EXOSC10: variants seen among roughly 807,000 people sequenced by gnomAD.
EXOSC10 encodes the protein exosome complex component 10.
A neutral mutation model predicts 126.6 loss-of-function variants in EXOSC10; 94 were observed. That is an observed-to-expected ratio of 0.74 (90% CI 0.63 to 0.88). EXOSC10 has a LOEUF of 0.88. EXOSC10 is among the 40% of genes least tolerant of loss of function. The pLI, the probability that EXOSC10 is intolerant of heterozygous loss-of-function variation, is 0.00. For missense variants in EXOSC10, 1,041 were observed against 1,100.5 expected (o/e 0.95, Z 0.77); for synonymous variants, 395 against 400.8 (o/e 0.99, Z 0.17).
chr1:11,069,259 G>GAGAGAGAGAGA (rs1553164212), intron 22 of EXOSC10, among the ~76,000 whole-genome samples: 6 of 132,378 alleles, frequency 4.5e-5, no homozygotes, highest in South Asian at 2.6e-4. Flanking sequence ...GAGAGAGAGA[G>GAGAGAGAGAGA]GGTTTATGGG....
intron 9 of EXOSC10, among the ~76,000 whole-genome samples, chr1:11,083,940 C>G (rs983657621): frequency 6.6e-6 from 1 of 152,146 alleles, no homozygotes; most frequent in Non-Finnish European, 1.5e-5. Flanking sequence ...ATCCATGTCC[C>G]TACAAAGGAC....
At chr1:11,095,245 C>T (rs923690883) in intron 3 of EXOSC10, among the ~76,000 whole-genome samples, 2 of 148,032 alleles carry the variant, frequency 1.4e-5, no homozygotes, top group African/African-American at 5.0e-5. Flanking sequence ...TTCCATGGGG[C>T]AGTAATATTT....
intron 20 of EXOSC10, chr1:11,071,430 C>G (rs911018814): frequency 5.6e-6 from 1 of 178,062 alleles, no homozygotes; most frequent in African/African-American, 2.4e-5. Context: ...TGCTATGGGA[C>G]AGATCAAGGC....
chr1:11,088,051 A>G, intron 7 of EXOSC10, 72 bp downstream of exon 7: 1 of 1,357,280 alleles, frequency 7.4e-7, no homozygotes. Context: ...TCAAAATTGC[A>G]TCAATGAATC....
intron 21 of EXOSC10, among the ~76,000 whole-genome samples, chr1:11,069,951 G>A (rs1022724186): frequency 3.9e-5 from 6 of 152,138 alleles, no homozygotes; most frequent in African/African-American, 1.4e-4. Flanking sequence ...AGAAAGGCAA[G>A]CAGGCCAGGT....
chr1:11,069,520 GCA>G (rs1557691223), intron 22 of EXOSC10, 37 bp downstream of exon 22: 35 of 1,597,888 alleles, frequency 2.2e-5, no homozygotes, highest in Non-Finnish European at 3.0e-5. Context: ...CCTCTGACGC[GCA>G]CAGATGTCCC....
In EXOSC10 at chr1:11,090,793, C is replaced by T; in HGVS notation, c.644-125G>A. 3.6e-6 allele frequency: 3 copies of T among 838,978 alleles called. No homozygotes were observed. In the South Asian group the frequency reaches 5.3e-5, roughly 15 times the overall value. The allele number at this position is 838,978 out of a possible 1,614,324, so 52.0% of individuals were successfully genotyped here. ...TTGAGACAGGGTCATGTTCTGTCCC[C>T]CAGGCTGAAGTGTGGTGGCACAAGC... On this transcript the variant is annotated intron_variant, in intron 5 of 24. Coordinates refer to ENST00000376936, the MANE Select transcript of EXOSC10 (RefSeq NM_001001998.3).
At position 11,076,888 on chromosome 1, in the gene EXOSC10, A is replaced by G. The variant is rs145033383; in HGVS notation, c.1940T>C (p.Leu647Pro). 7.4e-6 allele frequency: 12 copies of G among 1,613,886 alleles called. No individual in the cohort carries two copies. The African/African-American group carries it at 1.6e-4, about 22-fold the overall frequency. Residue 647 changes from leucine (L) to proline (P), a missense_variant, in exon 17 of 25, where the codon CTG becomes CCG. Transcript: ENST00000376936. ...TGTGGCAATCAGGCATGTGGTACCC[A>G]GCAAGTTATCTTCTTTTTCATCAGG... ...LFPDEKEDNL[L>P]GTTCLIATAV...
chr1:11,069,244 T>TGTGTGAGAGAGAGAGAGAGAGA, intron 22 of EXOSC10, among the ~76,000 whole-genome samples: 1 of 116,826 alleles, frequency 8.6e-6, no homozygotes, highest in Non-Finnish European at 2.0e-5. Context: ...TGTGTGTGTG[T>TGTGTGAGAGAGAGAGAGAGAGA]GAGAGAGAGA....
Position 11,095,948 on chromosome 1 carries a change from G to T in EXOSC10, c.249-67C>A, listed in dbSNP as rs1435356225. 2.6e-6 allele frequency: 4 copies of T among 1,539,960 alleles called. No homozygotes were observed. In the African/African-American group the frequency reaches 4.1e-5, roughly 16 times the overall value. ...TCACTTGTTTACATTCTGTGAGAGAGAATGTTCAAATGATGTGGCTCAGAC... is the reference window on the plus strand; with the variant it reads ...TCACTTGTTTACATTCTGTGAGAGATAATGTTCAAATGATGTGGCTCAGAC... On this transcript the variant is annotated intron_variant, in intron 2 of 24. Coordinates refer to ENST00000376936, the MANE Select transcript of EXOSC10 (RefSeq NM_001001998.3).
intron 14 of EXOSC10, among the ~76,000 whole-genome samples, chr1:11,078,049 G>GA (rs1639921481): frequency 6.6e-6 from 1 of 152,014 alleles, no homozygotes; most frequent in Non-Finnish European, 1.5e-5. Flanking sequence ...GAGGTGGGAG[G>GA]ACTGCTTGAG....
chr1:11,087,004 C>T (rs1251022418), intron 9 of EXOSC10, among the ~76,000 whole-genome samples: 8 of 152,148 alleles, frequency 5.3e-5, no homozygotes, highest in Admixed American at 5.2e-4. Context: ...ACACAAAAAA[C>T]CCTTCAAAAA....
chr1:11,077,369 G>A lies in EXOSC10; in HGVS notation c.1875C>T (p.Thr625=), dbSNP rs371930082. ...CAGGAGGGCTCTCGACTTTACCACTGGTTGGGATGATTGGATAGCCATCCG... is the reference window on the plus strand; with the variant it reads ...CAGGAGGGCTCTCGACTTTACCACTAGTTGGGATGATTGGATAGCCATCCG... The part of the protein sequence containing the change: ...APPDGYPIIP[T]SGSVPVQKQA... Residue 625 remains threonine (T), a synonymous_variant, in exon 16 of 25, where the codon ACC becomes ACT. Transcript: ENST00000376936. The A allele has an allele frequency of 1.2e-6, 2 of 1,610,550 alleles. No individual in the cohort carries two copies. Among genetic ancestry groups the A allele is most frequent in the African/African-American group, 1.3e-5 (1 of 75,016 alleles).
Position 11,072,383 on chromosome 1 carries a change from G to A in EXOSC10, c.2158-212C>T, listed in dbSNP as rs2100953777. 3 of 490,506 alleles carry A rather than the reference G, an allele frequency of 6.1e-6. No homozygotes were observed. The East Asian group carries it at 1.1e-4, about 19-fold the overall frequency. The allele number at this position is 490,506 out of a possible 1,614,324, so 30.4% of individuals were successfully genotyped here. On this transcript the variant is annotated intron_variant, in intron 19 of 24. Transcript: ENST00000376936. Reference sequence around the variant, plus strand: ...AGGACAAAGTGCTACTGTCCTCCAGGCACTGGGCCATCCATCATCTCATTC... The same window carrying A: ...AGGACAAAGTGCTACTGTCCTCCAGACACTGGGCCATCCATCATCTCATTC...
At chr1:11,069,465 G>C (rs1395950520) in intron 22 of EXOSC10, 94 bp downstream of exon 22, 2 of 1,359,672 alleles carry the variant, frequency 1.5e-6, no homozygotes, top group African/African-American at 2.9e-5. Context: ...GCCTTGTGCA[G>C]GACTCACTTG....
chr1:11,076,994 T>G, intron 16 of EXOSC10, 46 bp from the exon 17 acceptor site: 1 of 1,498,154 alleles, frequency 6.7e-7, no homozygotes, highest in Non-Finnish European at 9.2e-7. Flanking sequence ...AGAATTTTGT[T>G]TATTTTTTCT....
chr1:11,092,430 G>T (rs1298481986), intron 3 of EXOSC10, among the ~76,000 whole-genome samples: 1 of 151,444 alleles, frequency 6.6e-6, no homozygotes, highest in African/African-American at 2.4e-5. Flanking sequence ...GGCCAGGATG[G>T]TCTCGATCTC....
intron 9 of EXOSC10, among the ~76,000 whole-genome samples, chr1:11,084,124 G>A (rs1640354371): frequency 6.6e-6 from 1 of 152,126 alleles, no homozygotes; most frequent in South Asian, 2.1e-4. Context: ...ATGATTTATA[G>A]CCCTTTGGGT....
At chr1:11,071,657 C>T (rs1032994135) in intron 20 of EXOSC10, 15 of 170,912 alleles carry the variant, frequency 8.8e-5, no homozygotes, top group Non-Finnish European at 1.8e-4. Flanking sequence ...TAAAAGGCAG[C>T]GTCATCCCGT....
Sources: gnomAD v4.1 joint callset for allele counts (sites outside exome capture counted in the v4.1 genomes callset) on GRCh38, gnomAD v4.1.1 for gene constraint, MANE v1.5 for transcripts, NCBI Gene and HGNC (gene_info 2026-07-23, HGNC 2026-07-21) for gene names.